The following SBF2 variants were observed in gnomAD, a reference collection of about 807,000 sequenced individuals.
SBF2 encodes the protein SET binding factor 2, also known as myotubularin-related protein 13.
Under a neutral mutation model 225.2 loss-of-function variants are expected in SBF2, and 112 were observed. That is an observed-to-expected ratio of 0.50 (90% CI 0.43 to 0.58). The LOEUF (loss-of-function observed/expected upper bound fraction) is 0.58. Among genes scored for constraint, SBF2 ranks in the 20% least tolerant of loss-of-function variants. The pLI, the probability that SBF2 is intolerant of heterozygous loss-of-function variation, is 0.00. For missense variants in SBF2, 1,996 were observed against 2,206.2 expected (o/e 0.90, Z 1.91); for synonymous variants, 763 against 773.3 (o/e 0.99, Z 0.22).
chr11:9,930,945 C>G (rs1864450076), intron 16 of SBF2, among the ~76,000 whole-genome samples: 1 of 152,256 alleles, frequency 6.6e-6, no homozygotes, highest in African/African-American at 2.4e-5. Flanking sequence ...CAAGAAGATT[C>G]TCTCCCATGC....
intron 16 of SBF2, among the ~76,000 whole-genome samples, chr11:9,907,580 T>C: frequency 6.6e-6 from 1 of 152,240 alleles, no homozygotes; most frequent in East Asian, 1.9e-4. Flanking sequence ...CCATAAAGGA[T>C]GTACCACAGT....
At chr11:9,792,931 GTGTGTGTGTTTT>G (rs200874124) in intron 33 of SBF2, among the ~76,000 whole-genome samples, 1,780 of 138,394 alleles carry the variant, frequency 0.013, 42 homozygotes, top group African/African-American at 0.045. Flanking sequence ...TTGTGTGTGT[GTGTGTGTGTTTT>G]TTTTTTTTTT....
At chr11:10,120,498 A>AT (rs1190635117) in intron 2 of SBF2, among the ~76,000 whole-genome samples, 1 of 152,122 alleles carries the variant, frequency 6.6e-6, no homozygotes, top group African/African-American at 2.4e-5. Flanking sequence ...TTTAGTTTTA[A>AT]TTTTTTAAGG....
intron 33 of SBF2, 27 bp downstream of exon 33, chr11:9,795,804 A>G: frequency 6.2e-7 from 1 of 1,611,154 alleles, no homozygotes; most frequent in Non-Finnish European, 8.5e-7. Flanking sequence ...AACAAAAAAG[A>G]TGAAACAAGG....
intron 2 of SBF2, among the ~76,000 whole-genome samples, chr11:10,116,463 T>G (rs541767191): frequency 6.6e-6 from 1 of 152,288 alleles, no homozygotes; most frequent in East Asian, 1.9e-4. Context: ...CAGAAAAAAC[T>G]CAAGATACTC....
At chr11:10,090,300 C>A (rs1951724856) in intron 2 of SBF2, among the ~76,000 whole-genome samples, 1 of 151,934 alleles carries the variant, frequency 6.6e-6, no homozygotes, top group Non-Finnish European at 1.5e-5. Context: ...TGCCACTGAA[C>A]CATACACTTT....
chr11:10,199,262 G>C (rs1957491170), intron 1 of SBF2, among the ~76,000 whole-genome samples: 1 of 152,150 alleles, frequency 6.6e-6, no homozygotes, highest in African/African-American at 2.4e-5. Context: ...GGTGCAGTCA[G>C]AATACATAAA....
At chr11:10,019,468 G>A (rs1461882299) in intron 6 of SBF2, among the ~76,000 whole-genome samples, 1 of 152,124 alleles carries the variant, frequency 6.6e-6, no homozygotes, top group Non-Finnish European at 1.5e-5. Context: ...GGCACAAGAT[G>A]CCATTATTAG....
intron 16 of SBF2, among the ~76,000 whole-genome samples, chr11:9,942,058 C>T (rs1170843226): frequency 6.6e-6 from 1 of 152,030 alleles, no homozygotes; most frequent in Non-Finnish European, 1.5e-5. Flanking sequence ...TGTATGAGAC[C>T]TTCATGGAGA....
At chr11:10,162,136 G>T (rs550189179) in intron 2 of SBF2, among the ~76,000 whole-genome samples, 103 of 150,954 alleles carry the variant, frequency 6.8e-4, no homozygotes, top group Non-Finnish European at 1.1e-3. Context: ...ATGAGTCTTT[G>T]ACAACATCAC....
chr11:9,949,610 T>G (rs893633353), intron 16 of SBF2, among the ~76,000 whole-genome samples: 5 of 152,182 alleles, frequency 3.3e-5, no homozygotes, highest in Admixed American at 3.3e-4. Context: ...TAGGTTAAAC[T>G]CCACTATATT....
intron 17 of SBF2, among the ~76,000 whole-genome samples, chr11:9,882,727 T>C (rs543986338): frequency 1.4e-5 from 2 of 139,624 alleles, no homozygotes; most frequent in East Asian, 4.2e-4. Flanking sequence ...GAATCACTTG[T>C]ACCCAGGAGG....
intron 17 of SBF2, among the ~76,000 whole-genome samples, chr11:9,887,444 G>C (rs937476838): frequency 6.6e-6 from 1 of 152,008 alleles, no homozygotes; most frequent in African/African-American, 2.4e-5. Context: ...GGAGCAGTAG[G>C]ATAGAGGAAC....
At chr11:9,857,438 G>GA (rs1306105721) in intron 18 of SBF2, among the ~76,000 whole-genome samples, 8 of 152,162 alleles carry the variant, frequency 5.3e-5, no homozygotes, top group African/African-American at 1.9e-4. Flanking sequence ...AAGCACCCCC[G>GA]AAGCCCAGTA....
rs370246843 is a variant in SBF2 at position 9,826,767 on chromosome 11, GTA to G, written c.3793+2587_3793+2588del. Among the ~76,000 whole-genome samples, 357 of 151,220 alleles carry G rather than the reference GTA, an allele frequency of 2.4e-3. 3 individuals carry two copies. Among genetic ancestry groups the G allele is most frequent in the African/African-American group, 8.4e-3 (345 of 41,164 alleles). On this transcript the variant is annotated intron_variant, in intron 28 of 39. Transcript: ENST00000256190. The stretch of plus-strand genomic sequence containing the variant: ...TGTGTGTGTATGTGTGTGTGTGTAT[GTA>G]TATATATACACACACACTTTTGTTT...
intron 1 of SBF2, among the ~76,000 whole-genome samples, chr11:10,287,304 CAG>C (rs1963864014): frequency 6.6e-6 from 1 of 152,196 alleles, no homozygotes; most frequent in East Asian, 1.9e-4. Flanking sequence ...TTTTTAGAAA[CAG>C]AGTCTCAATC....
intron 17 of SBF2, among the ~76,000 whole-genome samples, chr11:9,886,001 T>C (rs1239377993): frequency 6.6e-5 from 10 of 152,208 alleles, no homozygotes; most frequent in Non-Finnish European, 7.3e-5. Context: ...GCATTGTTCC[T>C]TTTGTCAAAC....
chr11:10,004,574 T>C (rs201073420), intron 6 of SBF2, among the ~76,000 whole-genome samples: 1 of 85,558 alleles, frequency 1.2e-5, no homozygotes, highest in Non-Finnish European at 2.3e-5. Flanking sequence ...CTACAAAAAT[T>C]AAAAAAAAAA....
chr11:10,112,429 G>A (rs1039647088), intron 2 of SBF2, among the ~76,000 whole-genome samples: 19 of 152,082 alleles, frequency 1.2e-4, no homozygotes, highest in African/African-American at 4.1e-4. Context: ...TTTGCCTGCC[G>A]CCATCCATGT....
Sources: allele counts gnomAD v4.1 joint callset (sites outside exome capture counted in the v4.1 genomes callset), GRCh38; gene constraint gnomAD v4.1.1; transcripts MANE v1.5; gene names NCBI Gene and HGNC (gene_info 2026-07-23, HGNC 2026-07-21).